Variants in AMD1 observed in about 807,000 individuals in gnomAD.
AMD1 encodes the protein S-adenosylmethionine decarboxylase proenzyme.
AMD1 carries 11 observed loss-of-function variants against 40.2 expected under a neutral mutation model. The observed-to-expected ratio is 0.27, with a 90% CI of 0.17 to 0.45. AMD1 has a LOEUF of 0.45. Among genes scored for constraint, AMD1 ranks in the 20% least tolerant of loss-of-function variants. AMD1 has a pLI of 1.00. For synonymous variants in AMD1, 121 were observed against 130.8 expected (o/e 0.93, Z 0.51); for missense variants, 257 against 410.2 (o/e 0.63, Z 3.23).
intron 1 of AMD1, among the ~76,000 whole-genome samples, chr6:110,878,221 T>C (rs894044413): frequency 6.6e-6 from 1 of 152,088 alleles, no homozygotes; most frequent in African/African-American, 2.4e-5. Flanking sequence ...GTCTGAAATA[T>C]TTTTTTCTCC....
the AMD1 span, among the ~76,000 whole-genome samples, chr6:110,862,488 A>G: frequency 1.4e-5 from 2 of 140,820 alleles, no homozygotes; most frequent in South Asian, 4.5e-4. Flanking sequence ...TTTTTTTGAG[A>G]CAGAGTTTTG....
intron 1 of AMD1, among the ~76,000 whole-genome samples, chr6:110,882,071 G>A (rs1405551296): frequency 6.6e-6 from 1 of 152,160 alleles, no homozygotes; most frequent in Non-Finnish European, 1.5e-5. Context: ...AGTGTACTTG[G>A]GAGTGAAGCA....
At chr6:110,824,753 A>G in the AMD1 span, among the ~76,000 whole-genome samples, 2 of 152,200 alleles carry the variant, frequency 1.3e-5, no homozygotes, top group Non-Finnish European at 2.9e-5. Context: ...AGGTAAGGGC[A>G]AAGGGCTTGA....
the AMD1 span, among the ~76,000 whole-genome samples, chr6:110,833,496 G>GA: frequency 2.0e-5 from 3 of 152,196 alleles, no homozygotes; most frequent in Non-Finnish European, 2.9e-5. Context: ...TCTGGAGAAA[G>GA]AATTGCAATG....
the AMD1 span, among the ~76,000 whole-genome samples, chr6:110,837,476 C>A: frequency 6.7e-6 from 1 of 149,962 alleles, no homozygotes; most frequent in Admixed American, 6.7e-5. Flanking sequence ...TTTGGGAGGC[C>A]GAGGCAGATG....
the AMD1 span, among the ~76,000 whole-genome samples, chr6:110,837,653 G>A: frequency 7.1e-6 from 1 of 140,792 alleles, no homozygotes; most frequent in Admixed American, 7.5e-5. Flanking sequence ...GGAGGTTGCA[G>A]TGAGCCAAGT....
chr6:110,827,269 T>C, the AMD1 span, among the ~76,000 whole-genome samples: 1 of 151,298 alleles, frequency 6.6e-6, no homozygotes, highest in Non-Finnish European at 1.5e-5. Context: ...GGACAGGACT[T>C]TCTTATTCAT....
the AMD1 span, chr6:110,858,629 GC>G: frequency 7.0e-7 from 1 of 1,422,434 alleles, no homozygotes; most frequent in Non-Finnish European, 9.8e-7. Flanking sequence ...GGTGAGTAAG[GC>G]CAGGACTAAG....
At chr6:110,875,247 G>A in intron 1 of AMD1, 32 bp downstream of exon 1, 1 of 1,546,384 alleles carries the variant, frequency 6.5e-7, no homozygotes, top group Non-Finnish European at 8.8e-7. Flanking sequence ...TGACATCCGG[G>A]CCTGGGGGCT....
At chr6:110,832,445 C>G in the AMD1 span, among the ~76,000 whole-genome samples, 3 of 152,136 alleles carry the variant, frequency 2.0e-5, no homozygotes, top group Non-Finnish European at 4.4e-5. Flanking sequence ...GCCACCACAC[C>G]TGGCCTACAT....
Position 110,874,915 on chromosome 6 carries a change from C to G in AMD1, c.-191C>G, listed in dbSNP as rs1785014792. 1 of 569,336 alleles carries G rather than the reference C, an allele frequency of 1.8e-6. No homozygotes were observed. Among genetic ancestry groups the G allele is most frequent in the Admixed American group, 3.1e-5 (1 of 32,422 alleles). The allele number at this position is 569,336 out of a possible 1,614,324, so 35.3% of individuals were successfully genotyped here. On this transcript the variant is annotated 5_prime_UTR_variant, in exon 1 of 9. Coordinates refer to ENST00000368885, the MANE Select transcript of AMD1 (RefSeq NM_001634.6). ...AAGACTCACGTTCAACTTTCGCTCA[C>G]ACAAAGCCGGGAAAATTTTATTAGT...
At chr6:110,877,417 A>G (rs775838451) in intron 1 of AMD1, among the ~76,000 whole-genome samples, 7 of 152,286 alleles carry the variant, frequency 4.6e-5, no homozygotes, top group Admixed American at 1.3e-4. Context: ...CCTAAAATCA[A>G]CAGCCTAGCA....
At chr6:110,825,861 CA>C in the AMD1 span, among the ~76,000 whole-genome samples, 3 of 152,074 alleles carry the variant, frequency 2.0e-5, no homozygotes, top group African/African-American at 7.2e-5. Flanking sequence ...GACTGGGAGG[CA>C]GTGGGATTAA....
chr6:110,818,718 A>G, the AMD1 span, among the ~76,000 whole-genome samples: 1 of 152,114 alleles, frequency 6.6e-6, no homozygotes, highest in Non-Finnish European at 1.5e-5. Flanking sequence ...TTGTATTTTT[A>G]GTAGAGACAG....
intron 1 of AMD1, among the ~76,000 whole-genome samples, chr6:110,876,438 G>A (rs1020924782): frequency 6.6e-6 from 1 of 152,242 alleles, no homozygotes; most frequent in Non-Finnish European, 1.5e-5. Context: ...GGCGTTTTAG[G>A]AGTGTTAGCT....
At chr6:110,831,820 T>G in the AMD1 span, among the ~76,000 whole-genome samples, 1 of 152,140 alleles carries the variant, frequency 6.6e-6, no homozygotes, top group Non-Finnish European at 1.5e-5. Flanking sequence ...GAAAATCAAC[T>G]GTTTTATATG....
the AMD1 span, among the ~76,000 whole-genome samples, chr6:110,824,956 G>T: frequency 6.6e-6 from 1 of 152,154 alleles, no homozygotes; most frequent in Admixed American, 6.6e-5. Flanking sequence ...TAGTTTTATG[G>T]TTAGACAGTG....
upstream of AMD1, among the ~76,000 whole-genome samples, chr6:110,874,272 A>T (rs1325161493): frequency 5.9e-5 from 9 of 152,226 alleles, no homozygotes; most frequent in Non-Finnish European, 1.3e-4. Context: ...CGTCACGGAC[A>T]AATGTTTAGT....
chr6:110,876,465 C>T (rs1029426566), intron 1 of AMD1, among the ~76,000 whole-genome samples: 6 of 152,238 alleles, frequency 3.9e-5, no homozygotes, highest in African/African-American at 1.2e-4. Context: ...GGAGCTGTCC[C>T]TTGACAAAAA....
Sources: allele counts gnomAD v4.1 joint callset (sites outside exome capture counted in the v4.1 genomes callset), GRCh38; gene constraint gnomAD v4.1.1; transcripts MANE v1.5; gene names NCBI Gene and HGNC (gene_info 2026-07-23, HGNC 2026-07-21).